Variants in PLEKHA5 observed in about 807,000 individuals in gnomAD.
PLEKHA5 encodes the protein pleckstrin homology domain containing A5.
In PLEKHA5, 55 loss-of-function variants were observed where a neutral mutation model predicts 181.9. That is an observed-to-expected ratio of 0.30 (90% CI 0.24 to 0.38). PLEKHA5 has a LOEUF of 0.38. Among genes scored for constraint, PLEKHA5 ranks in the 10% least tolerant of loss-of-function variants. The probability of loss-of-function intolerance (pLI) is 1.00; values close to 1 mark genes in which losing one functional copy is unlikely to be tolerated. For missense variants in PLEKHA5, 1,432 were observed against 1,549.5 expected, an observed-to-expected ratio of 0.92 and a Z score of 1.27; for synonymous variants, 535 against 529.4, an observed-to-expected ratio of 1.01 and a Z score of -0.15.
chr12:19,270,290 G>C, intron 10 of PLEKHA5, 85 bp downstream of exon 10: 2 of 670,032 alleles, frequency 3.0e-6, no homozygotes, highest in Non-Finnish European at 4.6e-6. Flanking sequence ...AATCTTAGAA[G>C]AGAGTTTATT....
At chr12:19,131,115 A>T (rs2033675157) in intron 2 of PLEKHA5, among the ~76,000 whole-genome samples, 1 of 152,110 alleles carries the variant, frequency 6.6e-6, no homozygotes, top group Non-Finnish European at 1.5e-5. Context: ...GTGTTCTCTT[A>T]CTGGCCTGCC....
intron 3 of PLEKHA5, among the ~76,000 whole-genome samples, chr12:19,167,436 C>CTTTTTTTTTTTTTTTTTTTTTTTTT (rs1555230969): frequency 1.5e-3 from 75 of 48,580 alleles, no homozygotes; most frequent in Middle Eastern, 0.014. Flanking sequence ...TTTTTTTTTG[C>CTTTTTTTTTTTTTTTTTTTTTTTTT]TTTGGAAGCA....
chr12:19,278,280 G>A (rs1013285681), intron 11 of PLEKHA5, among the ~76,000 whole-genome samples: 6 of 152,042 alleles, frequency 3.9e-5, no homozygotes, highest in Non-Finnish European at 2.9e-5. Flanking sequence ...TGACAGTTCA[G>A]GTTCAATATA....
Position 19,219,433 on chromosome 12 carries a change from A to G in PLEKHA5, c.228-34507A>G, listed in dbSNP as rs149258138. 9.7e-3 allele frequency among the ~76,000 whole-genome samples: 1,448 copies of G among 149,814 alleles called. 16 individuals are homozygous for G. The highest frequency in any genetic ancestry group is 0.016 in the Non-Finnish European group (1,079 of 67,572). On this transcript the variant is annotated intron_variant, in intron 3 of 31. Coordinates refer to ENST00000429027, the MANE Select transcript of PLEKHA5 (RefSeq NM_001256470.2). ...TTTGTGTTTGAATATATGTGTGTGT[A>G]TGTGTGTTGTTTTGGGAAACAATTA...
At chr12:19,267,980 A>G (rs1044908458) in intron 8 of PLEKHA5, among the ~76,000 whole-genome samples, 2 of 152,092 alleles carry the variant, frequency 1.3e-5, no homozygotes, top group African/African-American at 2.4e-5. Context: ...AAATTGTTAC[A>G]TGAGCTATGG....
intron 12 of PLEKHA5, among the ~76,000 whole-genome samples, chr12:19,285,505 G>T (rs548344617): frequency 6.6e-6 from 1 of 152,184 alleles, no homozygotes; most frequent in Non-Finnish European, 1.5e-5. Flanking sequence ...ATGGACCCCT[G>T]TGGGGGTTCC....
chr12:19,259,060 CAA>C (rs895053371), intron 6 of PLEKHA5, among the ~76,000 whole-genome samples: 1 of 151,902 alleles, frequency 6.6e-6, no homozygotes, highest in Non-Finnish European at 1.5e-5. Flanking sequence ...GCTTCTCTAA[CAA>C]GTGTTTATTT....
intron 7 of PLEKHA5, 92 bp downstream of exon 7, chr12:19,261,113 G>A (rs562061871): frequency 3.2e-6 from 2 of 624,458 alleles, no homozygotes; most frequent in Middle Eastern, 4.5e-4. Context: ...TTGTAACTCT[G>A]TGTGCTATTT....
chr12:19,361,581 GT>G lies in PLEKHA5; in HGVS notation c.3485del (p.Leu1162Ter). The G allele has an allele frequency of 6.9e-7, 1 of 1,442,042 alleles. No homozygotes were observed. The highest frequency in any genetic ancestry group is 9.6e-7 in the Non-Finnish European group (1 of 1,044,282). The allele number at this position is 1,442,042 out of a possible 1,614,324, so 89.3% of individuals were successfully genotyped here. On this transcript the variant is annotated frameshift_variant and splice_region_variant, in exon 29 of 32. Coordinates refer to ENST00000429027, the MANE Select transcript of PLEKHA5 (RefSeq NM_001256470.2). LOFTEE classifies it high-confidence loss of function. ...EPQNVDFSKE[L>X]KKTENISYEM... ...AGAAAATTTTTCTTTTTATTCTACAGTTAAAAAAAACTGAAAACATTTCATA... is the reference window on the plus strand; with the variant it reads ...AGAAAATTTTTCTTTTTATTCTACAGTAAAAAAAACTGAAAACATTTCATA...
In PLEKHA5 at chr12:19,358,237, A is replaced by G. The variant is rs761716705; in HGVS notation, c.3148A>G (p.Arg1050Gly). The change falls in exon 27 of 32, where the codon AGA becomes GGA. Residue 1050 changes from arginine (R) to glycine (G), a missense_variant. By Grantham distance (125) the Arg-to-Gly change is moderately radical (BLOSUM62 -2). Coordinates refer to ENST00000429027, the MANE Select transcript of PLEKHA5 (RefSeq NM_001256470.2). ...CATTTTTACATTGAAGGAAAGACCAAGAAGTGCAGTGGAACAGCTCTGTTT... is the reference window on the plus strand; with the variant it reads ...CATTTTTACATTGAAGGAAAGACCAGGAAGTGCAGTGGAACAGCTCTGTTT... ...KMMDLRTERP[R>G]SAVEQLCLAE... is the part of the protein sequence containing the mutation. 21 of 1,612,052 alleles carry G rather than the reference A, an allele frequency of 1.3e-5. No homozygotes were observed. The highest frequency in any genetic ancestry group is 1.1e-5 in the South Asian group (1 of 90,992).
chr12:19,297,937 G>A (rs1401945365), intron 15 of PLEKHA5, among the ~76,000 whole-genome samples: 1 of 151,994 alleles, frequency 6.6e-6, no homozygotes, highest in African/African-American at 2.4e-5. Flanking sequence ...TGGGCACAGT[G>A]GCTCACGCCT....
chr12:19,341,994 A>C (rs535665882), intron 21 of PLEKHA5, among the ~76,000 whole-genome samples: 5 of 152,222 alleles, frequency 3.3e-5, no homozygotes, highest in African/African-American at 1.2e-4. Context: ...CAGCCTCCCA[A>C]AGTGCTGGGA....
intron 15 of PLEKHA5, among the ~76,000 whole-genome samples, chr12:19,298,907 G>A (rs1402132699): frequency 1.3e-5 from 2 of 152,128 alleles, no homozygotes; most frequent in African/African-American, 2.4e-5. Flanking sequence ...AACCCCCAGC[G>A]GAAAAGAGGA....
At chr12:19,369,906 G>C in intron 31 of PLEKHA5, 108 bp downstream of exon 31, 1 of 491,006 alleles carries the variant, frequency 2.0e-6, no homozygotes, top group African/African-American at 2.0e-5. Flanking sequence ...CTGTACATAG[G>C]GATAGTTGGC....
At chr12:19,320,368 C>CATATT (rs2090330499) in intron 17 of PLEKHA5, among the ~76,000 whole-genome samples, 194 bp from the exon 18 acceptor site, 1 of 151,958 alleles carries the variant, frequency 6.6e-6, no homozygotes, top group Non-Finnish European at 1.5e-5. Context: ...ATGTATCTTG[C>CATATT]ATATTATATC....
At chr12:19,212,881 C>T (rs1401931795) in intron 3 of PLEKHA5, among the ~76,000 whole-genome samples, 8 of 146,796 alleles carry the variant, frequency 5.4e-5, no homozygotes, top group Admixed American at 3.5e-4. Flanking sequence ...CTGTAAGTGG[C>T]AGAGTTAGAA....
At chr12:19,237,944 T>C (rs1358651659) in intron 3 of PLEKHA5, among the ~76,000 whole-genome samples, 3 of 151,852 alleles carry the variant, frequency 2.0e-5, no homozygotes, top group East Asian at 1.9e-4. Flanking sequence ...AATGATATTA[T>C]TGTAATTTCA....
At chr12:19,246,741 T>C (rs1437340761) in intron 3 of PLEKHA5, among the ~76,000 whole-genome samples, 1 of 152,152 alleles carries the variant, frequency 6.6e-6, no homozygotes, top group Non-Finnish European at 1.5e-5. Context: ...AAAAAGATTT[T>C]TGCATTCAAT....
intron 3 of PLEKHA5, among the ~76,000 whole-genome samples, chr12:19,183,330 C>T (rs1471120827): frequency 6.6e-6 from 1 of 152,170 alleles, no homozygotes; most frequent in Non-Finnish European, 1.5e-5. Flanking sequence ...TTAGTTTCCT[C>T]TGAGTGCCAG....
Sources: gnomAD v4.1 joint callset for allele counts (sites outside exome capture counted in the v4.1 genomes callset) on GRCh38, gnomAD v4.1.1 for gene constraint, MANE v1.5 for transcripts, NCBI Gene and HGNC (gene_info 2026-07-23, HGNC 2026-07-21) for gene names.